RIMKLB: variants seen among roughly 807,000 people sequenced by gnomAD.
RIMKLB encodes beta-citrylglutamate synthase B.
A neutral mutation model predicts 32.0 loss-of-function variants in RIMKLB; 7 were observed. The ratio of observed to expected loss-of-function variants is 0.22; its 90% CI spans 0.12 to 0.41. RIMKLB has a LOEUF of 0.41. Ranked by LOEUF, RIMKLB falls within the 10% of genes least tolerant of loss-of-function variation. The pLI is 1.00. For missense variants in RIMKLB, 289 were observed against 498.7 expected, an observed-to-expected ratio of 0.58 and a Z score of 4.00; for synonymous variants, 172 against 185.1, an observed-to-expected ratio of 0.93 and a Z score of 0.57.
chr12:8,741,178 C>T (rs1947480542), intron 2 of RIMKLB, among the ~76,000 whole-genome samples: 1 of 151,786 alleles, frequency 6.6e-6, no homozygotes. Context: ...TGCACTCCAG[C>T]CTGGGCGACA....
At chr12:8,671,503 GC>G in the RIMKLB span, among the ~76,000 whole-genome samples, 1 of 152,110 alleles carries the variant, frequency 6.6e-6, no homozygotes, top group African/African-American at 2.4e-5. Context: ...GCCCGCCTCG[GC>G]CTTCCAGCGT....
chr12:8,778,874 T>C (rs1308834498), downstream of RIMKLB, among the ~76,000 whole-genome samples: 1 of 152,244 alleles, frequency 6.6e-6, no homozygotes, highest in Non-Finnish European at 1.5e-5. Flanking sequence ...TGAATAGGAA[T>C]TCTTGGCGTG....
chr12:8,752,161 C>A, intron 4 of RIMKLB, 118 bp downstream of exon 4: 1 of 669,146 alleles, frequency 1.5e-6, no homozygotes, highest in South Asian at 2.0e-5. Flanking sequence ...CTCAGACTTA[C>A]AGAAGGCTAC....
chr12:8,776,294 A>G lies in RIMKLB; in HGVS notation c.*2510A>G, dbSNP rs1258655761. 1.0e-6 allele frequency: 1 copy of G among 975,240 alleles called. No individual in the cohort carries two copies. Among genetic ancestry groups the G allele is most frequent in the African/African-American group, 1.8e-5 (1 of 56,948 alleles). 60.4% of individuals were successfully genotyped at this position (975,240 alleles called of 1,614,324 possible). On this transcript the variant is annotated 3_prime_UTR_variant, in exon 6 of 6. Transcript: ENST00000535829. ...ACTCACATGTTAGAATGAAAAGAGC[A>G]GTAGTTATCTTAGATTTTAAAAACA...
chr12:8,697,231 C>T (rs1162086155), upstream of RIMKLB: 2 of 152,218 alleles, frequency 1.3e-5, no homozygotes, highest in Admixed American at 6.5e-5. Flanking sequence ...GCCTGTATCT[C>T]CAAACCCGCT....
At position 8,774,954 on chromosome 12, in the gene RIMKLB, A is replaced by T. The variant is rs780289513; in HGVS notation, c.*1170A>T. ...AACTAATCAAAAAGGATAATTTAGA[A>T]AATGGAGCATGATGGGAAACAGAGT... On this transcript the variant is annotated 3_prime_UTR_variant, in exon 6 of 6. Coordinates refer to ENST00000535829, the MANE Select transcript of RIMKLB (RefSeq NM_001297776.2). 9.7e-5 allele frequency: 96 copies of T among 985,706 alleles called. No homozygotes were observed. The highest frequency in any genetic ancestry group is 1.0e-4 in the Non-Finnish European group (86 of 829,918). 61.1% of individuals were successfully genotyped at this position (985,706 alleles called of 1,614,324 possible).
rs56387756 is a variant in RIMKLB at position 8,754,178 on chromosome 12, C to T, written c.697+85C>T. The stretch of plus-strand genomic sequence containing the variant: ...GTATTCATATGTATGTAACTCTAGA[C>T]CTTCTTAATAAGTTGAAAAACGTAT... On this transcript the variant is annotated intron_variant, in intron 5 of 5. Coordinates refer to ENST00000535829, the MANE Select transcript of RIMKLB (RefSeq NM_001297776.2). 9.0e-3 allele frequency: 8,901 copies of T among 987,324 alleles called. 394 individuals carry two copies. The African/African-American group carries it at 0.11, about 12-fold the overall frequency. 61.2% of individuals were successfully genotyped at this position (987,324 alleles called of 1,614,324 possible).
At chr12:8,768,187 C>T (rs917109738) in intron 5 of RIMKLB, among the ~76,000 whole-genome samples, 2 of 152,224 alleles carry the variant, frequency 1.3e-5, no homozygotes, top group Non-Finnish European at 2.9e-5. Context: ...TTAGGAAGAA[C>T]CCAGGCACTT....
rs138725147 is a variant in RIMKLB at position 8,748,660 on chromosome 12, C to G, written c.176-1202C>G. On this transcript the variant is annotated intron_variant, in intron 2 of 5. Coordinates refer to ENST00000535829, the MANE Select transcript of RIMKLB (RefSeq NM_001297776.2). ...TGAAAATAGGGTTTAAGAAGAAACTCGGGGCGGCCGTGGTGGCTCATGCCT... is the reference window on the plus strand; with the variant it reads ...TGAAAATAGGGTTTAAGAAGAAACTGGGGGCGGCCGTGGTGGCTCATGCCT... Among the ~76,000 whole-genome samples the G allele has an allele frequency of 6.0e-3, 905 of 150,390 alleles. 2 individuals carry two copies. The highest frequency in any genetic ancestry group is 0.01 in the Non-Finnish European group (687 of 67,700).
At chr12:8,756,831 A>G (rs973033694) in intron 5 of RIMKLB, among the ~76,000 whole-genome samples, 5 of 151,794 alleles carry the variant, frequency 3.3e-5, no homozygotes, top group Admixed American at 3.3e-4. Flanking sequence ...AGCTGGGACT[A>G]CAGGTGTGCA....
At chr12:8,680,410 C>G (rs777812979), upstream of RIMKLB, among the ~76,000 whole-genome samples, 2 of 152,308 alleles carry the variant, frequency 1.3e-5, no homozygotes, top group Non-Finnish European at 1.5e-5. Flanking sequence ...CCGCCTGCCT[C>G]AGCCTCCCAA....
chr12:8,682,138 A>G (rs1281952605), intron 1 of RIMKLB, among the ~76,000 whole-genome samples: 4 of 152,190 alleles, frequency 2.6e-5, no homozygotes, highest in Non-Finnish European at 4.4e-5. Context: ...AAACAAGTGT[A>G]TTTCTTACAA....
chr12:8,760,535 G>GT (rs1446038066), intron 5 of RIMKLB, among the ~76,000 whole-genome samples: 1 of 152,184 alleles, frequency 6.6e-6, no homozygotes, highest in East Asian at 1.9e-4. Context: ...TTCCACAATG[G>GT]TTGAACTACT....
At chr12:8,671,166 TCTTGGGGCTTATAGGCTC>T in the RIMKLB span, among the ~76,000 whole-genome samples, 1 of 152,148 alleles carries the variant, frequency 6.6e-6, no homozygotes, top group Non-Finnish European at 1.5e-5. Context: ...TTCCCCATGG[TCTTGGGGCTTATAGGCTC>T]CTTGCTACTT....
intron 4 of RIMKLB, among the ~76,000 whole-genome samples, chr12:8,753,324 A>G (rs376144550): frequency 2.0e-5 from 3 of 152,180 alleles, no homozygotes; most frequent in Non-Finnish European, 2.9e-5. Context: ...AAGCCCTCCT[A>G]GATTCAGCCA....
intron 1 of RIMKLB, among the ~76,000 whole-genome samples, chr12:8,710,086 A>T (rs1944237707): frequency 6.6e-6 from 1 of 151,908 alleles, no homozygotes; most frequent in Admixed American, 6.6e-5. Flanking sequence ...TCCCAGATTC[A>T]AGTGATTCTC....
chr12:8,690,730 C>T (rs1188669860), intron 1 of RIMKLB, among the ~76,000 whole-genome samples: 1 of 152,090 alleles, frequency 6.6e-6, no homozygotes, highest in African/African-American at 2.4e-5. Context: ...CGAGACCATC[C>T]CAGCCAACAT....
the RIMKLB span, among the ~76,000 whole-genome samples, chr12:8,673,360 G>A: frequency 6.6e-6 from 1 of 152,072 alleles, no homozygotes; most frequent in Admixed American, 6.5e-5. Context: ...CTCCCTGAAT[G>A]GTGCTATTTA....
intron 5 of RIMKLB, among the ~76,000 whole-genome samples, chr12:8,764,335 G>C (rs1427512091): frequency 2.6e-5 from 4 of 152,110 alleles, no homozygotes; most frequent in Admixed American, 2.6e-4. Flanking sequence ...CAATAAACGG[G>C]TGTTCCTTGT....
Sources: gnomAD v4.1 joint callset for allele counts (sites outside exome capture counted in the v4.1 genomes callset) on GRCh38, gnomAD v4.1.1 for gene constraint, MANE v1.5 for transcripts, NCBI Gene and HGNC (gene_info 2026-07-23, HGNC 2026-07-21) for gene names.